The following HTR1F variants were observed in gnomAD, a reference collection of about 807,000 sequenced individuals.
HTR1F encodes 5-hydroxytryptamine (serotonin) receptor 1F, G protein-coupled.
HTR1F carries 17 observed loss-of-function variants against 24.0 expected under a neutral mutation model. The ratio of observed to expected loss-of-function variants is 0.71; its 90% CI spans 0.48 to 1.06. The LOEUF is 1.06. Ranked by LOEUF, HTR1F falls within the 50% of genes least tolerant of loss-of-function variation. HTR1F has a pLI of 0.00. For synonymous variants in HTR1F, 186 were observed against 156.8 expected (o/e 1.19, Z -1.39); for missense variants, 391 against 427.8 (o/e 0.91, Z 0.76).
chr3:87,983,727 A>C (rs1705601908), intron 2 of HTR1F, among the ~76,000 whole-genome samples: 1 of 152,254 alleles, frequency 6.6e-6, no homozygotes, highest in African/African-American at 2.4e-5. Context: ...AAATTGAATT[A>C]TCTTTTACTT....
chr3:87,941,402 G>A (rs1004724894), intron 2 of HTR1F, among the ~76,000 whole-genome samples: 1 of 152,202 alleles, frequency 6.6e-6, no homozygotes, highest in Non-Finnish European at 1.5e-5. Flanking sequence ...TTGGCCCTAA[G>A]TATTTAACCT....
At chr3:87,828,938 AT>A (rs1282984596) in intron 2 of HTR1F, among the ~76,000 whole-genome samples, 1 of 151,718 alleles carries the variant, frequency 6.6e-6, no homozygotes, top group Non-Finnish European at 1.5e-5. Context: ...TCCTTCCTGG[AT>A]TCTTCAGGTG....
At chr3:87,868,691 T>A (rs1705479187) in intron 2 of HTR1F, among the ~76,000 whole-genome samples, 2 of 151,886 alleles carry the variant, frequency 1.3e-5, no homozygotes, top group South Asian at 4.1e-4. Flanking sequence ...AAAACCTCTG[T>A]CTACTATTAA....
chr3:87,863,576 C>T (rs1275600817), intron 2 of HTR1F, among the ~76,000 whole-genome samples: 2 of 152,130 alleles, frequency 1.3e-5, no homozygotes, highest in East Asian at 1.9e-4. Flanking sequence ...TTTCCAATAA[C>T]ATGTTCCTTA....
intron 2 of HTR1F, among the ~76,000 whole-genome samples, chr3:87,917,616 A>C (rs546890237): frequency 6.6e-6 from 1 of 152,182 alleles, no homozygotes; most frequent in Admixed American, 6.6e-5. Flanking sequence ...AACCAAGAAT[A>C]GATGAATAAA....
chr3:87,826,388 T>G (rs1234643028), intron 2 of HTR1F, among the ~76,000 whole-genome samples: 5 of 152,200 alleles, frequency 3.3e-5, no homozygotes, highest in African/African-American at 1.2e-4. Context: ...TTTCATAGCT[T>G]TTTCTACTCT....
intron 1 of HTR1F, among the ~76,000 whole-genome samples, chr3:87,806,650 T>A (rs943040859): frequency 1.3e-5 from 2 of 152,092 alleles, no homozygotes; most frequent in African/African-American, 4.8e-5. Flanking sequence ...AAGAAGAGTT[T>A]TAGTTTAATA....
chr3:87,833,716 C>A (rs1283773874), intron 2 of HTR1F, among the ~76,000 whole-genome samples: 1 of 152,018 alleles, frequency 6.6e-6, no homozygotes, highest in Non-Finnish European at 1.5e-5. Context: ...AAACTCCTGG[C>A]CTCAAGCAGT....
chr3:87,893,963 G>C (rs1283903621), intron 2 of HTR1F, among the ~76,000 whole-genome samples: 1 of 151,230 alleles, frequency 6.6e-6, no homozygotes, highest in Non-Finnish European at 1.5e-5. Flanking sequence ...TTTGTGAGTT[G>C]TTTACTCATT....
chr3:87,808,506 T>C (rs1704109215), intron 1 of HTR1F, among the ~76,000 whole-genome samples: 1 of 151,834 alleles, frequency 6.6e-6, no homozygotes, highest in African/African-American at 2.4e-5. Flanking sequence ...TTCTTTCTTT[T>C]ATTTTTTGGT....
chr3:87,800,240 C>T (rs964502270), intron 1 of HTR1F, among the ~76,000 whole-genome samples: 25 of 152,242 alleles, frequency 1.6e-4, no homozygotes, highest in South Asian at 6.2e-4. Flanking sequence ...TGTAGCTCAT[C>T]CTTCCAAGTC....
At position 87,879,495 on chromosome 3, in the gene HTR1F, A is replaced by T. The variant is rs550276551; in HGVS notation, c.-43+57371A>T. 2.0e-5 allele frequency among the ~76,000 whole-genome samples: 3 copies of T among 152,252 alleles called. No individual in the cohort carries two copies. In the East Asian group the frequency reaches 5.8e-4, roughly 29 times the overall value. On this transcript the variant is annotated intron_variant, in intron 2 of 2. Transcript: ENST00000319595. ...CAACCTGGCAGTGCATTAGCCAAGA[A>T]TCTGCCCTAGCACAAAACCCTCTCT...
chr3:87,794,657 G>A (rs562241941), intron 1 of HTR1F, among the ~76,000 whole-genome samples: 2 of 152,242 alleles, frequency 1.3e-5, no homozygotes, highest in South Asian at 4.1e-4. Flanking sequence ...GTTATATTAA[G>A]GGATTGTTCC....
intron 2 of HTR1F, among the ~76,000 whole-genome samples, chr3:87,844,929 A>T (rs1425060299): frequency 6.6e-6 from 1 of 151,742 alleles, no homozygotes; most frequent in African/African-American, 2.4e-5. Context: ...TGTTTTGGTT[A>T]CTGTAGCCTT....
chr3:87,943,857 G>A (rs557712646), intron 2 of HTR1F, among the ~76,000 whole-genome samples: 1 of 130,086 alleles, frequency 7.7e-6, no homozygotes, highest in South Asian at 2.4e-4. Context: ...TTCTTAGCCT[G>A]TGAGGGTCAA....
At chr3:87,922,998 T>C (rs1576034910) in intron 2 of HTR1F, among the ~76,000 whole-genome samples, 1 of 151,592 alleles carries the variant, frequency 6.6e-6, no homozygotes, top group African/African-American at 2.4e-5. Flanking sequence ...GGATATCCCG[T>C]TTTTCCAGCA....
intron 2 of HTR1F, among the ~76,000 whole-genome samples, chr3:87,878,182 T>A (rs1388215471): frequency 6.6e-6 from 1 of 152,158 alleles, no homozygotes; most frequent in Non-Finnish European, 1.5e-5. Flanking sequence ...GCAGAGGTTT[T>A]GCTTTGAAAA....
chr3:87,893,987 G>T, intron 2 of HTR1F, among the ~76,000 whole-genome samples: 1 of 150,776 alleles, frequency 6.6e-6, no homozygotes, highest in African/African-American at 2.5e-5. Context: ...TTTCCTTTCT[G>T]CTTTGGACAG....
intron 2 of HTR1F, among the ~76,000 whole-genome samples, chr3:87,897,434 G>A (rs1451733186): frequency 2.0e-5 from 3 of 151,974 alleles, no homozygotes; most frequent in Admixed American, 1.3e-4. Flanking sequence ...CCACATATCA[G>A]TGCAACCTTG....
Sources: allele counts gnomAD v4.1 joint callset (sites outside exome capture counted in the v4.1 genomes callset), GRCh38; gene constraint gnomAD v4.1.1; transcripts MANE v1.5; gene names NCBI Gene and HGNC (gene_info 2026-07-23, HGNC 2026-07-21).